The following MCF2L variants were observed in gnomAD, a reference collection of about 807,000 sequenced individuals.
MCF2L encodes MCF.2 cell line derived transforming sequence like, also known as guanine nucleotide exchange factor DBS.
MCF2L carries 97 observed loss-of-function variants against 153.4 expected under a neutral mutation model. The observed-to-expected ratio is 0.63, with a 90% confidence interval of 0.54 to 0.75. The LOEUF (loss-of-function observed/expected upper bound fraction) is 0.75, where lower values mean the gene tolerates loss of function less well. Among genes scored for constraint, MCF2L ranks in the 30% least tolerant of loss-of-function variants. MCF2L has a pLI of 0.00. For synonymous variants in MCF2L, 659 were observed against 632.2 expected (o/e 1.04, Z -0.64); for missense variants, 1,347 against 1,495.2 (o/e 0.90, Z 1.64).
rs145384051 is a variant in MCF2L, at chr13:112,959,258, C to A, written c.170-55505C>A. Among the ~76,000 whole-genome samples, 642 of 152,210 alleles carry A rather than the reference C, an allele frequency of 4.2e-3. 7 individuals are homozygous for A. Among genetic ancestry groups the A allele is most frequent in the African/African-American group, 0.014 (592 of 41,534 alleles). On this transcript the variant is annotated intron_variant, in intron 2 of 29. Coordinates refer to the MCF2L transcript ENST00000375608. ...CTCATATCGTTCTCCCTCACCACCC[C>A]CCGTCCTCCGGGTCTCTCCACTCTG...
intron 8 of MCF2L, among the ~76,000 whole-genome samples, chr13:113,069,604 G>C (rs1191961425): frequency 1.3e-4 from 20 of 149,506 alleles, no homozygotes; most frequent in Non-Finnish European, 2.4e-4. Context: ...AGGTCGCAGT[G>C]AGCCGAGATT....
At chr13:112,918,509 G>C (rs2081319473) in intron 2 of MCF2L, among the ~76,000 whole-genome samples, 1 of 152,160 alleles carries the variant, frequency 6.6e-6, no homozygotes, top group Non-Finnish European at 1.5e-5. Context: ...TGGGGAGAGA[G>C]TAGGGAGGGG....
intron 1 of MCF2L, among the ~76,000 whole-genome samples, chr13:112,981,110 C>G (rs1482839802): frequency 6.6e-6 from 1 of 150,818 alleles, no homozygotes; most frequent in Non-Finnish European, 1.5e-5. Flanking sequence ...TTCCTGTGCA[C>G]TGGGGACCCC....
At chr13:113,085,054 T>G (rs1423816509) in intron 19 of MCF2L, 32 bp from the exon 20 acceptor site, 1 of 1,613,162 alleles carries the variant, frequency 6.2e-7, no homozygotes, top group Non-Finnish European at 8.5e-7. Context: ...TAATGAAAAT[T>G]GTGCAAACCA....
chr13:113,029,524 G>C (rs550999988), intron 3 of MCF2L, among the ~76,000 whole-genome samples: 1 of 152,360 alleles, frequency 6.6e-6, no homozygotes, highest in African/African-American at 2.4e-5. Flanking sequence ...GACCGTCCCA[G>C]AGGAAGTCTC....
At chr13:113,082,630 G>A in intron 17 of MCF2L, 88 bp downstream of exon 17, 4 of 978,434 alleles carry the variant, frequency 4.1e-6, no homozygotes, top group Non-Finnish European at 3.2e-6. Flanking sequence ...GGGGGTGGAG[G>A]CCAGGCCATG....
Position 113,024,762 on chromosome 13 carries a change from C to G in MCF2L, c.278+4C>G, listed in dbSNP as rs758340951. 6.2e-7 allele frequency: 1 copy of G among 1,607,782 alleles called. No homozygotes were observed. Among genetic ancestry groups the G allele is most frequent in the South Asian group, 1.1e-5 (1 of 90,964 alleles). On this transcript the variant is annotated splice_donor_region_variant and intron_variant, in intron 3 of 29. Transcript: ENST00000535094. ...CCTACCTCACCAGCATCCCCAGGTA[C>G]GTGCACCCAGAGCCCGGCAGACATT...
intron 2 of MCF2L, among the ~76,000 whole-genome samples, chr13:113,022,531 T>C (rs997379699): frequency 6.6e-6 from 1 of 152,210 alleles, no homozygotes. Context: ...TGGAAGCTTC[T>C]GGCCCCTGAA....
intron 26 of MCF2L, chr13:113,090,679 C>G: frequency 1.0e-6 from 1 of 985,468 alleles, no homozygotes; most frequent in South Asian, 4.7e-5. Flanking sequence ...CCCTGGAAGC[C>G]GGCCCTGGCG....
chr13:113,067,079 G>C (rs1323457728), intron 8 of MCF2L, among the ~76,000 whole-genome samples: 1 of 152,290 alleles, frequency 6.6e-6, no homozygotes, highest in Non-Finnish European at 1.5e-5. Flanking sequence ...GCCCTGGCCT[G>C]TGTCAGGCAC....
chr13:112,958,473 C>G (rs914173484), intron 2 of MCF2L, among the ~76,000 whole-genome samples: 1 of 152,220 alleles, frequency 6.6e-6, no homozygotes, highest in Non-Finnish European at 1.5e-5. Flanking sequence ...GTTAATCAGC[C>G]ACATCCACAC....
chr13:112,901,914 G>T (rs767115268), intron 1 of MCF2L, among the ~76,000 whole-genome samples: 4 of 152,222 alleles, frequency 2.6e-5, no homozygotes, highest in Non-Finnish European at 4.4e-5. Flanking sequence ...AACCTCGGTT[G>T]TTGTTGTTTT....
chr13:112,997,478 C>T (rs2083189439), intron 1 of MCF2L, among the ~76,000 whole-genome samples: 1 of 152,190 alleles, frequency 6.6e-6, no homozygotes, highest in Admixed American at 6.5e-5. Flanking sequence ...TGACCTTTGC[C>T]CCGTGTCCAC....
chr13:113,033,337 C>CGTGACGTGAGTGGCCCCT (rs2085895759), intron 3 of MCF2L, among the ~76,000 whole-genome samples: 1 of 83,628 alleles, frequency 1.2e-5, no homozygotes, highest in African/African-American at 5.3e-5. Context: ...GAGTGGCCCC[C>CGTGACGTGAGTGGCCCCT]GTGACATTAG....
chr13:113,008,959 G>C (rs367716703), intron 1 of MCF2L: 2 of 142,890 alleles, frequency 1.4e-5, no homozygotes, highest in African/African-American at 5.7e-5. Context: ...CTCTGGAGAC[G>C]GCCCCCAGGG....
chr13:113,081,295 G>T lies in MCF2L; in HGVS notation c.1875+16G>T. On this transcript the variant is annotated intron_variant, in intron 16 of 29. Transcript: ENST00000535094. ...CGTCCTGGAGGTGAGGCTGGACTCG[G>T]GGAGGGCCGACTGCCACGGGGACTC... is the stretch of plus-strand genomic sequence containing the variant. 6.4e-7 allele frequency: 1 copy of T among 1,572,874 alleles called. No homozygotes were observed.
At chr13:112,928,702 A>G (rs2140608781) in intron 2 of MCF2L, among the ~76,000 whole-genome samples, 1 of 152,348 alleles carries the variant, frequency 6.6e-6, no homozygotes, top group South Asian at 2.1e-4. Context: ...CACACACAGG[A>G]CTAAGAGACA....
intron 3 of MCF2L, among the ~76,000 whole-genome samples, chr13:113,030,537 G>A (rs1050565848): frequency 4.7e-5 from 7 of 148,586 alleles, no homozygotes; most frequent in African/African-American, 1.7e-4. Context: ...GTGGGCCCTC[G>A]GGTGTCCACC....
upstream of MCF2L, among the ~76,000 whole-genome samples, chr13:112,966,657 A>AG (rs995242744): frequency 6.6e-6 from 1 of 152,196 alleles, no homozygotes; most frequent in African/African-American, 2.4e-5. This position sits in a 1 kb window ranked among gnomAD's most constrained non-coding sequence, Gnocchi z 4.1. Context: ...GATATTGGCC[A>AG]GGGGACAGAG....
Sources: allele counts gnomAD v4.1 joint callset (sites outside exome capture counted in the v4.1 genomes callset), GRCh38; gene constraint gnomAD v4.1.1; non-coding constraint Gnocchi (gnomAD v3.1); transcripts MANE v1.5; gene names NCBI Gene and HGNC (gene_info 2026-07-23, HGNC 2026-07-21).